EGFR: variants seen among roughly 807,000 people sequenced by gnomAD.
EGFR encodes the protein avian erythroblastic leukemia viral (v-erb-b) oncogene homolog.
In EGFR, 58 loss-of-function variants were observed where a neutral mutation model predicts 143.0. The observed-to-expected ratio is 0.41, with a 90% confidence interval of 0.33 to 0.50. The LOEUF is 0.50. EGFR is among the 20% of genes least tolerant of loss of function. The pLI is 0.39. For synonymous variants in EGFR, 613 were observed against 594.4 expected, an observed-to-expected ratio of 1.03 and a Z score of -0.45; for missense variants, 1,307 against 1,579.0, an observed-to-expected ratio of 0.83 and a Z score of 2.92.
chr7:55,033,425 C>A (rs997670240), intron 1 of EGFR, among the ~76,000 whole-genome samples: 4 of 152,100 alleles, frequency 2.6e-5, no homozygotes, highest in African/African-American at 9.7e-5. Flanking sequence ...ACTCAGGGCC[C>A]CCTGGGGACT....
At chr7:55,160,445 C>A in intron 12 of EGFR, 107 bp downstream of exon 12, 1 of 1,160,344 alleles carries the variant, frequency 8.6e-7, no homozygotes, top group South Asian at 1.5e-5. Flanking sequence ...TTTTTCAGTT[C>A]CTTAAGAAGC....
intron 15 of EGFR, among the ~76,000 whole-genome samples, chr7:55,169,363 G>T (rs1484352464): frequency 1.3e-5 from 2 of 152,164 alleles, no homozygotes; most frequent in Non-Finnish European, 2.9e-5. Flanking sequence ...CTCCCAAAGT[G>T]CTGAGATTAC....
intron 1 of EGFR, among the ~76,000 whole-genome samples, chr7:55,092,539 ATGACTC>A (rs1791189535): frequency 1.3e-5 from 2 of 152,230 alleles, no homozygotes; most frequent in Non-Finnish European, 2.9e-5. Flanking sequence ...AGCAAATAAA[ATGACTC>A]TGATTTTCAT....
At position 55,112,602 on chromosome 7, in the gene EGFR, G is replaced by A. The variant is rs370547410; in HGVS notation, c.89-29684G>A. Among the ~76,000 whole-genome samples the A allele has an allele frequency of 2.0e-4, 30 of 152,192 alleles. 3 individuals are homozygous for A. Among genetic ancestry groups the A allele is most frequent in the Admixed American group, 1.4e-3 (22 of 15,284 alleles). On this transcript the variant is annotated intron_variant, in intron 1 of 27. Transcript: ENST00000275493. ...AGAAGGCCCTGTGGAGTGGCTGGCC[G>A]AGCCTCAGCAGCCTCCTGTGAAGCG...
At chr7:55,097,062 GCT>G (rs1319891029) in intron 1 of EGFR, among the ~76,000 whole-genome samples, 1 of 152,178 alleles carries the variant, frequency 6.6e-6, no homozygotes, top group Non-Finnish European at 1.5e-5. Context: ...GCATACCTGT[GCT>G]CTTTCTGAAG....
intron 20 of EGFR, among the ~76,000 whole-genome samples, chr7:55,190,953 G>A (rs533026667): frequency 6.6e-6 from 1 of 152,310 alleles, no homozygotes; most frequent in Admixed American, 6.5e-5. Flanking sequence ...GACCCCAGCA[G>A]CCAGCAGGGA....
intron 14 of EGFR, 41 bp from the exon 15 acceptor site, chr7:55,165,239 G>C (rs756147480): frequency 2.0e-5 from 32 of 1,613,366 alleles, no homozygotes; most frequent in Non-Finnish European, 2.7e-5. Context: ...AAAGAGAAAA[G>C]AAAGAGACAT....
intron 22 of EGFR, among the ~76,000 whole-genome samples, chr7:55,196,392 C>T (rs1337283362): frequency 6.6e-6 from 1 of 151,796 alleles, no homozygotes; most frequent in African/African-American, 2.4e-5. Flanking sequence ...TGTGAATTTA[C>T]TTAAGTTCCT....
In EGFR at chr7:55,155,698, G is replaced by C; in HGVS notation, c.890-132G>C. 4 of 782,278 alleles carry C rather than the reference G, an allele frequency of 5.1e-6. No individual in the cohort carries two copies. In the South Asian group the frequency reaches 5.4e-5, roughly 11 times the overall value. 48.5% of individuals were successfully genotyped at this position (782,278 alleles called of 1,614,324 possible). On this transcript the variant is annotated intron_variant, in intron 7 of 27. Transcript: ENST00000275493. ...CTCTATTTGCAACCTTTCATTCTTT[G>C]TCCTTAAAGTAAATAAAGCCAAAGG...
rs1350746089 is a variant in EGFR, at chr7:55,156,742, C to A, written c.1134-17C>A. 6.2e-7 allele frequency: 1 copy of A among 1,614,018 alleles called. No homozygotes were observed. Among genetic ancestry groups the A allele is most frequent in the South Asian group, 1.1e-5 (1 of 91,082 alleles). On this transcript the variant is annotated splice_polypyrimidine_tract_variant and intron_variant, in intron 9 of 27. Coordinates refer to ENST00000275493, the MANE Select transcript of EGFR (RefSeq NM_005228.5). Reference sequence around the variant, plus strand: ...GTAGAGATTGGTGATCAATAATCACCCTGTTGTTTGTTTCAGTGACTCCTT... The same window carrying A: ...GTAGAGATTGGTGATCAATAATCACACTGTTGTTTGTTTCAGTGACTCCTT...
At chr7:55,103,319 AG>A (rs1454788391) in intron 1 of EGFR, among the ~76,000 whole-genome samples, 6 of 152,294 alleles carry the variant, frequency 3.9e-5, no homozygotes, top group Admixed American at 6.5e-5. Context: ...GGGATTTGGG[AG>A]GGTTGCTTTT....
At chr7:55,080,383 A>G (rs1374263713) in intron 1 of EGFR, among the ~76,000 whole-genome samples, 1 of 151,200 alleles carries the variant, frequency 6.6e-6, no homozygotes, top group Non-Finnish European at 1.5e-5. Context: ...AAAAAAAAAG[A>G]AGGAAATCCT....
At chr7:55,181,572 G>A (rs2128959120) in intron 20 of EGFR, 94 bp downstream of exon 20, 1 of 1,466,414 alleles carries the variant, frequency 6.8e-7, no homozygotes, top group Non-Finnish European at 9.5e-7. Flanking sequence ...TTTGCCATGG[G>A]GATATGTGTG....
chr7:55,155,767 C>A (rs1050722089), intron 7 of EGFR, 63 bp from the exon 8 acceptor site: 4 of 1,341,458 alleles, frequency 3.0e-6, no homozygotes, highest in Non-Finnish European at 4.3e-6. Context: ...CCTGGACCGC[C>A]TGTGTGAGGC....
chr7:55,125,521 A>G (rs1793472250), intron 1 of EGFR, among the ~76,000 whole-genome samples: 2 of 152,326 alleles, frequency 1.3e-5, no homozygotes, highest in Non-Finnish European at 2.9e-5. Context: ...TAAAGCAAAC[A>G]CATACCTAGG....
chr7:55,066,947 A>T (rs948631786), intron 1 of EGFR, among the ~76,000 whole-genome samples: 3 of 152,228 alleles, frequency 2.0e-5, no homozygotes, highest in African/African-American at 4.8e-5. Context: ...ACAGAACTGG[A>T]TGCTGAGCTG....
chr7:55,148,540 T>C (rs1794884224), intron 4 of EGFR, among the ~76,000 whole-genome samples: 1 of 152,120 alleles, frequency 6.6e-6, no homozygotes, highest in Admixed American at 6.5e-5. Context: ...AAATCAAAAG[T>C]CTATAAAGAA....
At chr7:55,173,769 T>G (rs2128953221) in intron 17 of EGFR, 152 bp from the exon 18 acceptor site, 1 of 1,226,622 alleles carries the variant, frequency 8.2e-7, no homozygotes, top group Non-Finnish European at 1.2e-6. Flanking sequence ...AAGGCGTACA[T>G]TTGTCCTTCC....
intron 1 of EGFR, among the ~76,000 whole-genome samples, chr7:55,028,494 T>C (rs946273099): frequency 2.0e-5 from 3 of 152,194 alleles, no homozygotes; most frequent in African/African-American, 7.2e-5. Context: ...TTCAAAAACA[T>C]TTTTTTAATT....
Sources: gnomAD v4.1 joint callset for allele counts (sites outside exome capture counted in the v4.1 genomes callset) on GRCh38, gnomAD v4.1.1 for gene constraint, MANE v1.5 for transcripts, NCBI Gene and HGNC (gene_info 2026-07-23, HGNC 2026-07-21) for gene names.